The following ZNF324B variants were observed in gnomAD, a reference collection of about 807,000 sequenced individuals.
The protein encoded by ZNF324B is zinc finger protein 324B.
A neutral mutation model predicts 10.6 loss-of-function variants in ZNF324B; 7 were observed. The ratio of observed to expected loss-of-function variants is 0.66; its 90% CI spans 0.38 to 1.24. The LOEUF is 1.24. ZNF324B is among the 50% of genes most tolerant of loss of function. The pLI, the probability that ZNF324B is intolerant of heterozygous loss-of-function variation, is 0.02. For missense variants in ZNF324B, 640 were observed against 764.7 expected (o/e 0.84, Z 1.92); for synonymous variants, 316 against 321.0 (o/e 0.98, Z 0.17).
the ZNF324B span, chr19:58,433,218 C>G: frequency 8.0e-7 from 1 of 1,242,302 alleles, no homozygotes; most frequent in Non-Finnish European, 1.1e-6. Context: ...GGCTTTTCCA[C>G]ATTAGCAGTA....
chr19:58,437,014 G>C, the ZNF324B span: 5 of 1,613,864 alleles, frequency 3.1e-6, no homozygotes, highest in East Asian at 4.5e-5. Flanking sequence ...CAAGGCATAA[G>C]GTAGTCATCA....
Position 58,451,709 on chromosome 19 carries a change from G to C in ZNF324B, c.-7+5G>C, listed in dbSNP as rs1156717079. 2.1e-6 allele frequency: 1 copy of C among 480,336 alleles called. No individual in the cohort carries two copies. The highest frequency in any genetic ancestry group is 4.1e-6 in the Non-Finnish European group (1 of 244,450). The allele number at this position is 480,336 out of a possible 1,614,324, so 29.8% of individuals were successfully genotyped here. Reference sequence around the variant, plus strand: ...CCGAGGCGGGCGGCCAGGAAGGTACGGACCACGAGCAGCCGGCCGCGCCCC... The same window carrying C: ...CCGAGGCGGGCGGCCAGGAAGGTACCGACCACGAGCAGCCGGCCGCGCCCC... On this transcript the variant is annotated splice_donor_5th_base_variant and intron_variant, in intron 1 of 3. Transcript: ENST00000336614.
Position 58,455,629 on chromosome 19 carries a change from C to T in ZNF324B, c.685C>T (p.Gln229Ter), listed in dbSNP as rs2122364328. Reference sequence around the variant, plus strand: ...GGATCGCAGAATGGGCGCAGCTTGGCAGGAGCCTCATAGACTCCTCGGTGG... The same window carrying T: ...GGATCGCAGAATGGGCGCAGCTTGGTAGGAGCCTCATAGACTCCTCGGTGG... ...GRDRRMGAAW[Q>*]EPHRLLGGQE... The change falls in exon 4 of 4, where the codon CAG becomes TAG. Residue 229 changes from glutamine to a stop codon, truncating the protein, a stop_gained. Coordinates refer to ENST00000336614, the MANE Select transcript of ZNF324B (RefSeq NM_207395.3). LOFTEE classifies it low-confidence loss of function (END_TRUNC). The surrounding 1 kb of genome is among the most constrained non-coding windows in gnomAD (Gnocchi z 7.0). The T allele has an allele frequency of 1.2e-6, 2 of 1,613,892 alleles. No individual in the cohort carries two copies. The highest frequency in any genetic ancestry group is 3.3e-5 in the Admixed American group (2 of 60,002).
the ZNF324B span, among the ~76,000 whole-genome samples, chr19:58,427,341 TTC>T: frequency 0.01 from 917 of 89,478 alleles, 5 homozygotes; most frequent in Admixed American, 0.022. Flanking sequence ...CTTTCTTTCT[TTC>T]TCTTTCCTTT....
the ZNF324B span, among the ~76,000 whole-genome samples, chr19:58,421,059 G>C: frequency 2.0e-5 from 3 of 151,164 alleles, no homozygotes; most frequent in African/African-American, 4.9e-5. Flanking sequence ...GAATGGGCTA[G>C]AAAATGGGTG....
chr19:58,427,493 C>CCTTCCTTCCTTT, the ZNF324B span, among the ~76,000 whole-genome samples: 1 of 105,194 alleles, frequency 9.5e-6, no homozygotes, highest in Admixed American at 9.7e-5. Flanking sequence ...TTCCTTCCTT[C>CCTTCCTTCCTTT]CTTTCTTTCT....
chr19:58,455,620 G>A lies in ZNF324B; in HGVS notation c.676G>A (p.Ala226Thr), dbSNP rs2052909405. 2.5e-6 allele frequency: 4 copies of A among 1,613,928 alleles called. No individual in the cohort carries two copies. Among genetic ancestry groups the A allele is most frequent in the Admixed American group, 1.7e-5 (1 of 60,008 alleles). ...ASGGRDRRMGAAWQEPHRLLG... is the reference protein window; with the variant it reads ...ASGGRDRRMGTAWQEPHRLLG... ...TGGTGGCAGGGATCGCAGAATGGGC[G>A]CAGCTTGGCAGGAGCCTCATAGACT... The change falls in exon 4 of 4, where the codon GCA becomes ACA. Residue 226 changes from alanine (A) to threonine (T), a missense_variant. Coordinates refer to ENST00000336614, the MANE Select transcript of ZNF324B (RefSeq NM_207395.3). The surrounding 1 kb of genome is among the most constrained non-coding windows in gnomAD (Gnocchi z 7.0).
chr19:58,442,990 ATTATACAGAGCACTGATTGGTC>A, the ZNF324B span: 2 of 32,068 alleles, frequency 6.2e-5, no homozygotes, highest in Non-Finnish European at 1.1e-4. Flanking sequence ...TGATTGGTCC[ATTATACAGAGCACTGATTGGTC>A]CATTTTACAG....
Position 58,455,647 on chromosome 19 carries a change from C to A in ZNF324B, c.703C>A (p.Leu235Ile). 1 of 1,613,760 alleles carries A rather than the reference C, an allele frequency of 6.2e-7. No homozygotes were observed. Among genetic ancestry groups the A allele is most frequent in the Non-Finnish European group, 8.5e-7 (1 of 1,179,946 alleles). ...AGCTTGGCAGGAGCCTCATAGACTC[C>A]TCGGTGGCCAGGAGCCCTCGACCTG... ...GAAWQEPHRLLGGQEPSTWDE... is the reference protein window; with the variant it reads ...GAAWQEPHRLIGGQEPSTWDE... The change falls in exon 4 of 4, where the codon CTC (leucine) becomes ATC (isoleucine). Residue 235 changes from leucine (L) to isoleucine (I), a missense_variant. This residue lies in a region of ZNF324B where 345 missense variants were observed against 387.9 expected (regional missense o/e 0.89). Transcript: ENST00000336614. This position sits in a 1 kb window ranked among gnomAD's most constrained non-coding sequence, Gnocchi z 7.0.
the ZNF324B span, chr19:58,444,725 GC>G: frequency 6.6e-6 from 1 of 152,228 alleles, no homozygotes; most frequent in Non-Finnish European, 1.5e-5. Context: ...TTGAGGGGAA[GC>G]AAGCCTTTTC....
the ZNF324B span, chr19:58,436,927 C>T: frequency 7.1e-7 from 1 of 1,415,054 alleles, no homozygotes; most frequent in Non-Finnish European, 9.9e-7. Context: ...CCAGCACCTA[C>T]AACAGGAAAC....
the ZNF324B span, among the ~76,000 whole-genome samples, chr19:58,427,291 TTTTCTTTCTTTC>T: frequency 1.7e-5 from 1 of 58,310 alleles, no homozygotes; most frequent in South Asian, 7.3e-4. Context: ...TGCCTGGCTT[TTTTCTTTCTTTC>T]TTTCTTTCTT....
chr19:58,448,671 G>A (rs1162850207), upstream of ZNF324B, among the ~76,000 whole-genome samples: 1 of 152,204 alleles, frequency 6.6e-6, no homozygotes, highest in Non-Finnish European at 1.5e-5. Flanking sequence ...AGCTTGCAGT[G>A]AGCCAAGATT....
At chr19:58,441,307 G>A in the ZNF324B span, 2 of 152,478 alleles carry the variant, frequency 1.3e-5, no homozygotes, top group Non-Finnish European at 2.9e-5. Flanking sequence ...AGTGGGGCTG[G>A]AAGCAGGGAG....
Position 58,456,494 on chromosome 19 carries a change from C to T in ZNF324B, c.1550C>T (p.Pro517Leu). The T allele has an allele frequency of 2.5e-6, 4 of 1,614,218 alleles. No homozygotes were observed. The highest frequency in any genetic ancestry group is 1.6e-4 in the Middle Eastern group (1 of 6,062). ...AATGCCGCAGCACCAGACTGCACCC[C>T]GGGGCCAGGTTTCCTTCAGGGACAT... ...KTNAAAPDCT[P>L]GPGFLQGHHR... The change falls in exon 4 of 4, where the codon CCG becomes CTG. Residue 517 changes from proline (P) to leucine (L), a missense_variant. Physicochemically the swap from Pro to Leu is moderately conservative, Grantham distance 98. This residue lies in a region of ZNF324B where 238 missense variants were observed against 258.0 expected (regional missense o/e 0.92). Transcript: ENST00000336614. This position sits in a 1 kb window ranked among gnomAD's most constrained non-coding sequence, Gnocchi z 4.7.
At chr19:58,446,573 C>CTCT in the ZNF324B span, among the ~76,000 whole-genome samples, 1 of 102,510 alleles carries the variant, frequency 9.8e-6, no homozygotes, top group Non-Finnish European at 1.8e-5. Flanking sequence ...ATTTCTTTCT[C>CTCT]TTTTTTTTTT....
the ZNF324B span, among the ~76,000 whole-genome samples, chr19:58,420,157 G>A: frequency 6.6e-6 from 1 of 152,066 alleles, no homozygotes; most frequent in Non-Finnish European, 1.5e-5. Flanking sequence ...AGTGGCTCAC[G>A]CCTGTAATCC....
At chr19:58,427,428 TTCCTTCCTTCC>T in the ZNF324B span, among the ~76,000 whole-genome samples, 4,635 of 45,084 alleles carry the variant, frequency 0.1, 320 homozygotes, top group African/African-American at 0.12. Flanking sequence ...CCTTCCTTCC[TTCCTTCCTTCC>T]TTCCTTTCCT....
chr19:58,449,179 G>T (rs1011331999), upstream of ZNF324B, among the ~76,000 whole-genome samples: 8 of 152,232 alleles, frequency 5.3e-5, no homozygotes, highest in African/African-American at 1.9e-4. Flanking sequence ...CTCAAGCCTT[G>T]GCAGCTCCCA....
Sources: allele counts gnomAD v4.1 joint callset (sites outside exome capture counted in the v4.1 genomes callset), GRCh38; gene constraint gnomAD v4.1.1; regional missense constraint gnomAD v4.1.1; non-coding constraint Gnocchi (gnomAD v3.1); transcripts MANE v1.5; gene names NCBI Gene and HGNC (gene_info 2026-07-23, HGNC 2026-07-21).